OCRL: variants seen among roughly 807,000 people sequenced by gnomAD.
The protein encoded by OCRL is OCRL inositol polyphosphate-5-phosphatase, also known as inositol polyphosphate 5-phosphatase OCRL.
A neutral mutation model predicts 78.9 loss-of-function variants in OCRL; 8 were observed. That is an observed-to-expected ratio of 0.10 (90% CI 0.06 to 0.18). The LOEUF (loss-of-function observed/expected upper bound fraction) is 0.18, where lower values mean the gene tolerates loss of function less well. Ranked by LOEUF, OCRL falls within the 10% of genes least tolerant of loss-of-function variation. The pLI is 1.00. For synonymous variants in OCRL, 240 were observed against 235.4 expected, an observed-to-expected ratio of 1.02 and a Z score of -0.18; for missense variants, 454 against 696.7, an observed-to-expected ratio of 0.65 and a Z score of 3.92.
chrX:129,584,315 A>G (rs1642731713), intron 18 of OCRL, 29 bp from the exon 19 acceptor site: 2 of 1,192,603 alleles, frequency 1.7e-6, no homozygotes, highest in Non-Finnish European at 2.3e-6. Flanking sequence ...CTGTCTGTCA[A>G]TGACTTTCTT....
intron 3 of OCRL, among the ~76,000 whole-genome samples, chrX:129,547,538 A>G (rs1022317695): frequency 1.8e-5 from 2 of 109,272 alleles, no homozygotes; most frequent in Non-Finnish European, 3.8e-5. Context: ...AAAAAAAAAA[A>G]AAAAAGAAAA....
chrX:129,543,428 C>T (rs1004869206), intron 2 of OCRL, among the ~76,000 whole-genome samples: 2 of 112,684 alleles, frequency 1.8e-5, no homozygotes, highest in Non-Finnish European at 3.8e-5. Context: ...TGTTTATCTT[C>T]CTCAAAGTAA....
At position 129,558,634 on chromosome X, in the gene OCRL, G is replaced by C. The variant is rs199624352; in HGVS notation, c.441G>C (p.Gly147=). ...GACTTTGGGGTCTGTGTCTTTCAGG[G>C]CTTCTTGGATTTGAAGACAATTTTT... is the stretch of plus-strand genomic sequence containing the variant. ...DTKDKPSVFS[G]LLGFEDNFSS... Residue 147 remains glycine, a splice_region_variant and synonymous_variant, in exon 7 of 24, where the codon GGG becomes GGC. Coordinates refer to ENST00000371113, the MANE Select transcript of OCRL (RefSeq NM_000276.4). 1 of 1,211,261 alleles carries C rather than the reference G, an allele frequency of 8.3e-7. No individual in the cohort carries two copies. The highest frequency in any genetic ancestry group is 1.1e-6 in the Non-Finnish European group (1 of 895,170).
Position 129,545,001 on chromosome X carries a change from A to C in OCRL, c.163A>C (p.Ile55Leu), listed in dbSNP as rs989911294. 12 of 1,152,703 alleles carry C rather than the reference A, an allele frequency of 1.0e-5. No individual in the cohort carries two copies. The highest frequency in any genetic ancestry group is 1.4e-5 in the Non-Finnish European group (12 of 841,744). 95.0% of individuals were successfully genotyped at this position (1,152,703 alleles called of 1,213,427 possible). A position where few individuals can be genotyped will look rare whatever the true frequency, so the allele number is the denominator to read the frequency against. The change falls in exon 3 of 24, where the codon ATC (isoleucine) becomes CTC (leucine). Residue 55 changes from isoleucine (I) to leucine (L), a missense_variant. Ile to Leu is a conservative substitution (Grantham distance 5). Coordinates refer to ENST00000371113, the MANE Select transcript of OCRL (RefSeq NM_000276.4). ...LHEKEQHVQD[I>L]IPINSHFRCV... ...TGAGAAGGAACAGCATGTTCAAGAT[A>C]TCATTCCTATAAATAGCCACTTCAG... is the stretch of plus-strand genomic sequence containing the variant.
chrX:129,591,117 C>G lies in OCRL; in HGVS notation c.*847C>G, dbSNP rs187728449. 1.4e-3 allele frequency: 162 copies of G among 113,558 alleles called. No homozygotes were observed. Among genetic ancestry groups the G allele is most frequent in the African/African-American group, 4.7e-3 (143 of 30,638 alleles). 9.4% of individuals were successfully genotyped at this position (113,558 alleles called of 1,213,427 possible). A position where few individuals can be genotyped will look rare whatever the true frequency, so the allele number is the denominator to read the frequency against. On this transcript the variant is annotated 3_prime_UTR_variant, in exon 24 of 24. Transcript: ENST00000371113. Reference sequence around the variant, plus strand: ...GACTAATCCTGGGTGTCTCTGAGACCCATCTCCTGCCTAGACATCCACCTC... The same window carrying G: ...GACTAATCCTGGGTGTCTCTGAGACGCATCTCCTGCCTAGACATCCACCTC...
intron 4 of OCRL, among the ~76,000 whole-genome samples, chrX:129,556,310 T>C (rs1438567758): frequency 2.7e-5 from 3 of 111,498 alleles, no homozygotes; most frequent in Non-Finnish European, 3.8e-5. Context: ...CAGCAAGCCT[T>C]ATTTGCCTGG....
intron 3 of OCRL, among the ~76,000 whole-genome samples, chrX:129,547,253 C>T (rs756107605): frequency 2.0e-4 from 22 of 109,934 alleles, no homozygotes; most frequent in Admixed American, 4.9e-4. Context: ...CGGCTGGGCG[C>T]GGTGGCTCAG....
At chrX:129,570,118 G>A (rs758487262) in intron 15 of OCRL, among the ~76,000 whole-genome samples, 2 of 111,771 alleles carry the variant, frequency 1.8e-5, no homozygotes, top group Admixed American at 1.9e-4. Flanking sequence ...TAAACTGTGT[G>A]TTATTGGTAT....
chrX:129,545,249 C>G (rs1329008168), intron 3 of OCRL, among the ~76,000 whole-genome samples: 5 of 112,409 alleles, frequency 4.4e-5, no homozygotes, highest in Non-Finnish European at 9.4e-5. Context: ...TCTATAGTCT[C>G]ACCTGTTTCC....
chrX:129,561,118 C>G, intron 9 of OCRL, 61 bp from the exon 10 acceptor site: 4 of 727,898 alleles, frequency 5.5e-6, no homozygotes, highest in Non-Finnish European at 8.8e-6. Flanking sequence ...ACATATGGGA[C>G]AGGAGGTAGC....
At chrX:129,557,818 T>A (rs766000028) in intron 5 of OCRL, 43 bp from the exon 6 acceptor site, 50 of 930,404 alleles carry the variant, frequency 5.4e-5, no homozygotes, top group African/African-American at 7.7e-5. Flanking sequence ...TTCTACTCAG[T>A]GAAAGACTTC....
rs12557189 is a variant in OCRL at position 129,584,244 on chromosome X, T to C, written c.2116-100T>C. 18 of 708,263 alleles carry C rather than the reference T, an allele frequency of 2.5e-5. No individual in the cohort carries two copies. The Admixed American group carries it at 3.9e-4, about 15-fold the overall frequency. The allele number at this position is 708,263 out of a possible 1,213,427, so 58.4% of individuals were successfully genotyped here. On this transcript the variant is annotated intron_variant, in intron 18 of 23. Coordinates refer to ENST00000371113, the MANE Select transcript of OCRL (RefSeq NM_000276.4). ...AGCTGTTTAAAGCATGTATATCTGG[T>C]AAGATAGTGAGTTCTAATACTGATC...
rs748257020 is a variant in OCRL at position 129,592,447 on chromosome X, C to A, written c.*2177C>A. On this transcript the variant is annotated 3_prime_UTR_variant, in exon 24 of 24. Coordinates refer to ENST00000371113, the MANE Select transcript of OCRL (RefSeq NM_000276.4). ...AATTGTTTGTTATATTTCCCAAAAA[C>A]GTCTTGATCACTAAGCAAAGCTGCT... The A allele has an allele frequency of 4.4e-5, 5 of 112,763 alleles. No homozygotes were observed. The allele number at this position is 112,763 out of a possible 1,213,427, so 9.3% of individuals were successfully genotyped here.
At chrX:129,541,186 C>T (rs1440712012) in intron 2 of OCRL, among the ~76,000 whole-genome samples, 5 of 112,385 alleles carry the variant, frequency 4.4e-5, no homozygotes, top group Non-Finnish European at 9.4e-5. Flanking sequence ...TACCTTACAG[C>T]CTTTGGAATT....
chrX:129,565,471 A>C (rs1247337377), intron 12 of OCRL, among the ~76,000 whole-genome samples: 1 of 112,232 alleles, frequency 8.9e-6, no homozygotes, highest in Non-Finnish European at 1.9e-5. Context: ...AAGCTTGTCC[A>C]GCAAATAAAC....
At chrX:129,562,343 G>T in intron 10 of OCRL, 41 bp from the exon 11 acceptor site, 1 of 977,042 alleles carries the variant, frequency 1.0e-6, no homozygotes. Context: ...GGCAAAGATT[G>T]GTATTAACAT....
At chrX:129,552,603 TC>T (rs1327195995) in intron 4 of OCRL, among the ~76,000 whole-genome samples, 1 of 111,741 alleles carries the variant, frequency 8.9e-6, no homozygotes, top group African/African-American at 3.3e-5. Flanking sequence ...TTTTGTACTT[TC>T]AGTAGAGATG....
rs1405503777 is a variant in OCRL at position 129,558,772 on chromosome X, C to T, written c.560+19C>T. 2.5e-6 allele frequency: 3 copies of T among 1,210,783 alleles called. No individual in the cohort carries two copies. Among genetic ancestry groups the T allele is most frequent in the Non-Finnish European group, 3.4e-6 (3 of 895,201 alleles). On this transcript the variant is annotated intron_variant, in intron 7 of 23. Coordinates refer to ENST00000371113, the MANE Select transcript of OCRL (RefSeq NM_000276.4). ...ATAAAATGTAAGTCCCATGTGAAAACATATTTGCCTTGTAGGAGAATTATA... is the reference window on the plus strand; with the variant it reads ...ATAAAATGTAAGTCCCATGTGAAAATATATTTGCCTTGTAGGAGAATTATA...
intron 1 of OCRL, 84 bp from the exon 2 acceptor site, chrX:129,540,660 G>GC (rs1224256156): frequency 8.7e-6 from 7 of 808,319 alleles, no homozygotes; most frequent in African/African-American, 2.1e-5. Context: ...GCGGTGGGGG[G>GC]GGGGTGGAAG....
Sources: gnomAD v4.1 joint callset for allele counts (sites outside exome capture counted in the v4.1 genomes callset) on GRCh38, gnomAD v4.1.1 for gene constraint, MANE v1.5 for transcripts, NCBI Gene and HGNC (gene_info 2026-07-23, HGNC 2026-07-21) for gene names.